The following LRRC4C variants were observed in gnomAD, a reference collection of about 807,000 sequenced individuals.
The protein encoded by LRRC4C is leucine-rich repeat-containing protein 4C.
In LRRC4C, 5 loss-of-function variants were observed where a neutral mutation model predicts 33.6. The ratio of observed to expected loss-of-function variants is 0.15; its 90% CI spans 0.08 to 0.31. The LOEUF (loss-of-function observed/expected upper bound fraction) is 0.31. Ranked by LOEUF, LRRC4C falls within the 10% of genes least tolerant of loss-of-function variation. LRRC4C has a pLI of 1.00. For synonymous variants in LRRC4C, 329 were observed against 302.0 expected (o/e 1.09, Z -0.93); for missense variants, 560 against 796.7 (o/e 0.70, Z 3.58).
At chr11:40,317,163 A>T (rs1315679748) in intron 4 of LRRC4C, among the ~76,000 whole-genome samples, 1 of 150,660 alleles carries the variant, frequency 6.6e-6, no homozygotes, top group Non-Finnish European at 1.5e-5. Context: ...TCTTCAGTAA[A>T]GGTCCTAAAT....
At chr11:41,345,517 C>A (rs1258724704) in intron 1 of LRRC4C, among the ~76,000 whole-genome samples, 1 of 152,138 alleles carries the variant, frequency 6.6e-6, no homozygotes, top group Admixed American at 6.5e-5. Flanking sequence ...GGCTGGGCTA[C>A]AACAACTGCC....
chr11:41,084,719 G>A (rs1208386291), intron 1 of LRRC4C, among the ~76,000 whole-genome samples: 1 of 152,006 alleles, frequency 6.6e-6, no homozygotes, highest in Admixed American at 6.5e-5. Context: ...TGTGGTGGTG[G>A]GCATCTGTAA....
intron 1 of LRRC4C, among the ~76,000 whole-genome samples, chr11:41,365,236 A>G (rs982874759): frequency 1.3e-5 from 2 of 152,022 alleles, no homozygotes; most frequent in Non-Finnish European, 2.9e-5. Flanking sequence ...TGTGCATGCA[A>G]GGGATCTAGG....
intron 2 of LRRC4C, among the ~76,000 whole-genome samples, chr11:40,678,926 G>T (rs1760071700): frequency 6.6e-6 from 1 of 152,172 alleles, no homozygotes; most frequent in Non-Finnish European, 1.5e-5. Context: ...TGGGTAACAG[G>T]CAGAGGTTGG....
chr11:40,297,592 C>CA (rs1944575313), intron 4 of LRRC4C, among the ~76,000 whole-genome samples: 1 of 151,700 alleles, frequency 6.6e-6, no homozygotes, highest in Non-Finnish European at 1.5e-5. Context: ...CAAATTTCTG[C>CA]TTTTTTTTCA....
At chr11:40,561,260 T>G (rs1274812358) in intron 3 of LRRC4C, among the ~76,000 whole-genome samples, 1 of 152,116 alleles carries the variant, frequency 6.6e-6, no homozygotes. Flanking sequence ...CGTGTCACCT[T>G]TAACAAATTA....
chr11:40,405,210 A>T (rs2137581124), intron 3 of LRRC4C, among the ~76,000 whole-genome samples: 1 of 151,586 alleles, frequency 6.6e-6, no homozygotes, highest in African/African-American at 2.4e-5. Context: ...TGTCTGGGTT[A>T]TGTCACTTAG....
At chr11:40,599,282 T>C (rs1959715723) in intron 3 of LRRC4C, among the ~76,000 whole-genome samples, 1 of 148,144 alleles carries the variant, frequency 6.8e-6, no homozygotes, top group Non-Finnish European at 1.5e-5. Context: ...GACCTATCTC[T>C]ACAAAAATTT....
At chr11:40,501,033 C>T (rs1954740585) in intron 3 of LRRC4C, among the ~76,000 whole-genome samples, 1 of 152,182 alleles carries the variant, frequency 6.6e-6, no homozygotes, top group Non-Finnish European at 1.5e-5. Flanking sequence ...AATACAGAGG[C>T]TACAGACCCC....
chr11:41,005,192 G>A (rs1038066146), intron 1 of LRRC4C, among the ~76,000 whole-genome samples: 3 of 152,152 alleles, frequency 2.0e-5, no homozygotes, highest in Admixed American at 1.3e-4. Context: ...ATGTTGAAAT[G>A]TAATCCCCAG....
chr11:40,868,612 C>T (rs1453347761), intron 2 of LRRC4C, among the ~76,000 whole-genome samples: 3 of 152,144 alleles, frequency 2.0e-5, no homozygotes, highest in African/African-American at 7.2e-5. Flanking sequence ...CCCCTAAAGA[C>T]TACCCACCAC....
At chr11:40,625,142 T>C (rs1372453966) in intron 3 of LRRC4C, among the ~76,000 whole-genome samples, 1 of 152,170 alleles carries the variant, frequency 6.6e-6, no homozygotes, top group Non-Finnish European at 1.5e-5. Context: ...TGGCTAATAA[T>C]TGCCATAGCT....
chr11:40,822,501 G>C (rs1054006177), intron 2 of LRRC4C, among the ~76,000 whole-genome samples: 5 of 151,408 alleles, frequency 3.3e-5, no homozygotes, highest in African/African-American at 1.2e-4. Flanking sequence ...TCAATGTAAT[G>C]GTTTTCTTTC....
intron 1 of LRRC4C, among the ~76,000 whole-genome samples, chr11:41,408,861 G>C (rs544708189): frequency 5.3e-5 from 8 of 152,164 alleles, no homozygotes; most frequent in Admixed American, 3.9e-4. Flanking sequence ...TCTGCCAGCA[G>C]AGACCTTTAC....
rs534507989 is a variant in LRRC4C, at chr11:40,120,942, G to T, written c.-42-4608C>A. Among the ~76,000 whole-genome samples, 16 of 152,170 alleles carry T rather than the reference G, an allele frequency of 1.1e-4. No individual in the cohort carries two copies. In the South Asian group the frequency reaches 3.3e-3, roughly 32 times the overall value. ...CTTTCCCCATCTGTGAAAGAACACT[G>T]TTACCTAGTCAAAAGACTTTGGTTA... is the stretch of plus-strand genomic sequence containing the variant. On this transcript the variant is annotated intron_variant, in intron 6 of 6. Coordinates refer to ENST00000528697, the MANE Select transcript of LRRC4C (RefSeq NM_001258419.2).
At chr11:41,284,441 T>C (rs1477262379) in intron 1 of LRRC4C, among the ~76,000 whole-genome samples, 1 of 152,200 alleles carries the variant, frequency 6.6e-6, no homozygotes, top group East Asian at 1.9e-4. Flanking sequence ...GTGACACTTA[T>C]GCACTTTCCT....
intron 2 of LRRC4C, among the ~76,000 whole-genome samples, chr11:40,909,448 T>C (rs1956568078): frequency 6.6e-6 from 1 of 152,008 alleles, no homozygotes; most frequent in Admixed American, 6.6e-5. Context: ...CAAAGAAACA[T>C]ACAAAAACAA....
chr11:40,244,559 A>C (rs1290678431), intron 4 of LRRC4C, among the ~76,000 whole-genome samples: 1 of 152,034 alleles, frequency 6.6e-6, no homozygotes, highest in Non-Finnish European at 1.5e-5. Context: ...AAGCCCACTA[A>C]ATTTTCCTAA....
chr11:40,422,176 A>T (rs1950544608), intron 3 of LRRC4C, among the ~76,000 whole-genome samples: 1 of 152,204 alleles, frequency 6.6e-6, no homozygotes, highest in Admixed American at 6.5e-5. Flanking sequence ...AAGTAATAAA[A>T]TTTATAAGTC....
Sources: gnomAD v4.1 joint callset for allele counts (sites outside exome capture counted in the v4.1 genomes callset) on GRCh38, gnomAD v4.1.1 for gene constraint, MANE v1.5 for transcripts, NCBI Gene and HGNC (gene_info 2026-07-23, HGNC 2026-07-21) for gene names.